Variants in LRFN5 observed in about 807,000 individuals in gnomAD.
The protein encoded by LRFN5 is leucine-rich repeat and fibronectin type-III domain-containing protein 5.
Under a neutral mutation model 45.6 loss-of-function variants are expected in LRFN5, and 24 were observed. The ratio of observed to expected loss-of-function variants is 0.53; its 90% CI spans 0.38 to 0.74. LRFN5 has a LOEUF of 0.74. Among genes scored for constraint, LRFN5 ranks in the 30% least tolerant of loss-of-function variants. The probability of loss-of-function intolerance (pLI) is 0.00; values close to 1 mark genes in which losing one functional copy is unlikely to be tolerated. For missense variants in LRFN5, 776 were observed against 861.5 expected, an observed-to-expected ratio of 0.90 and a Z score of 1.24; for synonymous variants, 340 against 313.8, an observed-to-expected ratio of 1.08 and a Z score of -0.88.
chr14:41,721,395 G>T (rs944423335), intron 1 of LRFN5, among the ~76,000 whole-genome samples: 1 of 152,090 alleles, frequency 6.6e-6, no homozygotes, highest in African/African-American at 2.4e-5. Context: ...GATATGTGAG[G>T]TTTAATCTTG....
intron 2 of LRFN5, among the ~76,000 whole-genome samples, chr14:41,846,222 C>A (rs1889057831): frequency 6.6e-6 from 1 of 151,510 alleles, no homozygotes; most frequent in South Asian, 2.1e-4. Flanking sequence ...CAGACACACA[C>A]ACACACACAC....
intron 2 of LRFN5, among the ~76,000 whole-genome samples, chr14:41,838,799 C>T (rs1287757428): frequency 6.6e-6 from 1 of 152,062 alleles, no homozygotes; most frequent in Non-Finnish European, 1.5e-5. Flanking sequence ...GGAATGTTGA[C>T]TAGAAAATAG....
chr14:41,756,163 G>A (rs1004786606), intron 1 of LRFN5, among the ~76,000 whole-genome samples: 1 of 152,118 alleles, frequency 6.6e-6, no homozygotes, highest in African/African-American at 2.4e-5. Flanking sequence ...TTCCCTTTGT[G>A]GGTAAGCCGA....
intron 1 of LRFN5, among the ~76,000 whole-genome samples, chr14:41,637,889 T>A (rs1374616882): frequency 2.0e-5 from 3 of 152,156 alleles, no homozygotes; most frequent in Non-Finnish European, 4.4e-5. Flanking sequence ...TCTCTGCCCA[T>A]GGGCTCCACT....
At chr14:41,618,360 T>C (rs932090879) in intron 1 of LRFN5, among the ~76,000 whole-genome samples, 3 of 152,032 alleles carry the variant, frequency 2.0e-5, no homozygotes, top group African/African-American at 7.2e-5. Flanking sequence ...ATTGCAGAGG[T>C]GATATGGTAT....
intron 1 of LRFN5, among the ~76,000 whole-genome samples, chr14:41,635,187 C>A (rs1879243764): frequency 6.6e-6 from 1 of 152,014 alleles, no homozygotes; most frequent in Non-Finnish European, 1.5e-5. Flanking sequence ...CTGTCCAATA[C>A]GTTGTATTTT....
chr14:41,760,123 A>T (rs1885598453), intron 1 of LRFN5, among the ~76,000 whole-genome samples: 1 of 152,190 alleles, frequency 6.6e-6, no homozygotes, highest in South Asian at 2.1e-4. Flanking sequence ...TAGTTTTCTA[A>T]ATTTTATCAC....
At chr14:41,698,747 T>G (rs1048979143) in intron 1 of LRFN5, among the ~76,000 whole-genome samples, 1 of 152,114 alleles carries the variant, frequency 6.6e-6, no homozygotes, top group Non-Finnish European at 1.5e-5. Context: ...TTTTGTATAT[T>G]TTAAAATTAT....
At chr14:41,686,495 A>G (rs565920524) in intron 1 of LRFN5, among the ~76,000 whole-genome samples, 1 of 152,184 alleles carries the variant, frequency 6.6e-6, no homozygotes, top group South Asian at 2.1e-4. Context: ...CAGAACTTCT[A>G]ATACTATGTT....
intron 2 of LRFN5, among the ~76,000 whole-genome samples, chr14:41,777,661 G>A (rs1886339310): frequency 6.6e-6 from 1 of 151,562 alleles, no homozygotes; most frequent in Admixed American, 6.6e-5. Flanking sequence ...TATTACATTG[G>A]TAAATGAAAA....
At chr14:41,848,427 A>G (rs1889144758) in intron 2 of LRFN5, among the ~76,000 whole-genome samples, 1 of 152,050 alleles carries the variant, frequency 6.6e-6, no homozygotes, top group South Asian at 2.1e-4. Flanking sequence ...TTGAACCGTA[A>G]AAGAGAATGG....
At chr14:41,859,913 C>T (rs940725783) in intron 2 of LRFN5, among the ~76,000 whole-genome samples, 2 of 152,120 alleles carry the variant, frequency 1.3e-5, no homozygotes, top group African/African-American at 2.4e-5. Context: ...TCACATCAAT[C>T]ACTATACCCT....
intron 1 of LRFN5, among the ~76,000 whole-genome samples, chr14:41,670,055 A>ATG (rs57767999): frequency 0.033 from 4,911 of 149,098 alleles, 139 homozygotes; most frequent in African/African-American, 0.084. Flanking sequence ...GTATAATAAA[A>ATG]TGTTTTACTA....
chr14:41,700,477 T>C (rs554190999), intron 1 of LRFN5: 1 of 152,196 alleles, frequency 6.6e-6, no homozygotes, highest in Admixed American at 6.6e-5. Context: ...TGATCATCAA[T>C]AGCATGAAGG....
chr14:41,871,816 T>A (rs953683580), intron 2 of LRFN5, among the ~76,000 whole-genome samples: 1 of 152,048 alleles, frequency 6.6e-6, no homozygotes, highest in African/African-American at 2.4e-5. Context: ...ACAGTCCAAC[T>A]TTTTTTACTA....
chr14:41,803,852 C>G (rs575345616), intron 2 of LRFN5, among the ~76,000 whole-genome samples: 57 of 151,946 alleles, frequency 3.8e-4, no homozygotes, highest in African/African-American at 1.3e-3. Context: ...AACAGAAAGC[C>G]AGAGTTTTTT....
At chr14:41,682,739 T>A (rs1011115873) in intron 1 of LRFN5, among the ~76,000 whole-genome samples, 1 of 152,196 alleles carries the variant, frequency 6.6e-6, no homozygotes, top group African/African-American at 2.4e-5. Context: ...ACCAAGGTTC[T>A]TCCTGGTTCT....
chr14:41,827,266 T>C (rs1888329736), intron 2 of LRFN5, among the ~76,000 whole-genome samples: 1 of 152,088 alleles, frequency 6.6e-6, no homozygotes, highest in Non-Finnish European at 1.5e-5. Context: ...CATAAAAGCA[T>C]AGCTATTAAA....
intron 2 of LRFN5, among the ~76,000 whole-genome samples, chr14:41,833,196 A>C (rs1410725909): frequency 6.6e-6 from 1 of 152,158 alleles, no homozygotes; most frequent in Non-Finnish European, 1.5e-5. Flanking sequence ...CATTATGACA[A>C]TGTTTTTACG....
Sources: allele counts gnomAD v4.1 joint callset (sites outside exome capture counted in the v4.1 genomes callset), GRCh38; gene constraint gnomAD v4.1.1; transcripts MANE v1.5; gene names NCBI Gene and HGNC (gene_info 2026-07-23, HGNC 2026-07-21).